The following UBE3D variants were observed in gnomAD, a reference collection of about 807,000 sequenced individuals.
UBE3D encodes the protein ubiquitin protein ligase E3D.
Under a neutral mutation model 49.6 loss-of-function variants are expected in UBE3D, and 48 were observed. The observed-to-expected ratio is 0.97, with a 90% confidence interval of 0.77 to 1.23. The LOEUF (loss-of-function observed/expected upper bound fraction) is 1.23. Ranked by LOEUF, UBE3D falls within the 50% of genes most tolerant of loss-of-function variation. UBE3D has a pLI of 0.00. For synonymous variants in UBE3D, 189 were observed against 174.2 expected, an observed-to-expected ratio of 1.08 and a Z score of -0.67; for missense variants, 452 against 468.4, an observed-to-expected ratio of 0.96 and a Z score of 0.32.
At chr6:82,925,888 G>A (rs367959763) in intron 9 of UBE3D, among the ~76,000 whole-genome samples, 175 of 152,122 alleles carry the variant, frequency 1.2e-3, no homozygotes, top group African/African-American at 4.0e-3. Flanking sequence ...ACTAAGTAAA[G>A]ACTAAATGCT....
intron 1 of UBE3D, among the ~76,000 whole-genome samples, chr6:83,064,111 T>C (rs1784347429): frequency 6.6e-6 from 1 of 152,200 alleles, no homozygotes; most frequent in Admixed American, 6.5e-5. Context: ...CTGAAAAATA[T>C]TATGGAAGGA....
chr6:83,022,821 CT>C (rs1351974206), intron 6 of UBE3D, among the ~76,000 whole-genome samples: 3 of 151,350 alleles, frequency 2.0e-5, no homozygotes, highest in Non-Finnish European at 4.4e-5. Flanking sequence ...CTATTCACCC[CT>C]ACTGAATAAA....
rs147576188 is a variant in UBE3D at position 82,906,268 on chromosome 6, T to C, written c.1150-13226A>G. On this transcript the variant is annotated intron_variant, in intron 9 of 9. Transcript: ENST00000369747. ...CCTTCCCTTTTTCTCCATTTGCAATTTGTGTTTCAAAGAAATCAGGCTTTT... is the reference window on the plus strand; with the variant it reads ...CCTTCCCTTTTTCTCCATTTGCAATCTGTGTTTCAAAGAAATCAGGCTTTT... Among the ~76,000 whole-genome samples, 243 of 151,480 alleles carry C rather than the reference T, an allele frequency of 1.6e-3. 1 individual carries two copies. Among genetic ancestry groups the C allele is most frequent in the African/African-American group, 5.5e-3 (229 of 41,530 alleles).
At chr6:82,886,919 T>C in the UBE3D span, among the ~76,000 whole-genome samples, 1 of 152,120 alleles carries the variant, frequency 6.6e-6, no homozygotes, top group South Asian at 2.1e-4. Context: ...ATTTCAAGAA[T>C]TTTTTTAACA....
chr6:82,983,224 T>G (rs2127721172), intron 8 of UBE3D, among the ~76,000 whole-genome samples: 1 of 152,100 alleles, frequency 6.6e-6, no homozygotes, highest in Middle Eastern at 3.4e-3. Flanking sequence ...TATGTTGTTT[T>G]GTCCTTATTG....
At chr6:82,953,148 C>T (rs183131737) in intron 9 of UBE3D, among the ~76,000 whole-genome samples, 14 of 152,310 alleles carry the variant, frequency 9.2e-5, no homozygotes, top group Admixed American at 2.6e-4. Context: ...AAACTAGCAA[C>T]GGCAATGACG....
chr6:83,022,236 A>C (rs1781151804), intron 7 of UBE3D, among the ~76,000 whole-genome samples: 1 of 152,196 alleles, frequency 6.6e-6, no homozygotes, highest in Admixed American at 6.5e-5. Context: ...CATGTTGGCC[A>C]GGCTGGTCTC....
At chr6:83,016,899 CT>C (rs926519282) in intron 8 of UBE3D, among the ~76,000 whole-genome samples, 3 of 152,112 alleles carry the variant, frequency 2.0e-5, no homozygotes, top group African/African-American at 7.2e-5. Context: ...CCAATCTAGT[CT>C]TTTCATGTTT....
chr6:83,036,019 T>TC (rs1376682430), intron 5 of UBE3D: 22 of 108,852 alleles, frequency 2.0e-4, no homozygotes, highest in Non-Finnish European at 2.8e-4. Context: ...TTTTTGTACT[T>TC]CTTTTTTTTT....
At chr6:83,004,194 G>A (rs769793009) in intron 8 of UBE3D, among the ~76,000 whole-genome samples, 2 of 152,124 alleles carry the variant, frequency 1.3e-5, no homozygotes, top group Non-Finnish European at 2.9e-5. Flanking sequence ...ACTGAATATA[G>A]TATAGCAAAC....
intron 8 of UBE3D, among the ~76,000 whole-genome samples, chr6:82,986,213 C>G (rs1279693159): frequency 6.6e-6 from 1 of 152,010 alleles, no homozygotes; most frequent in Non-Finnish European, 1.5e-5. Flanking sequence ...TGGCTCATGC[C>G]TGTAATCCCA....
chr6:82,952,432 A>ATT (rs200187722), intron 9 of UBE3D, among the ~76,000 whole-genome samples: 3 of 148,028 alleles, frequency 2.0e-5, no homozygotes, highest in African/African-American at 7.4e-5. Context: ...TTAATATCTA[A>ATT]TTTTTTTTTT....
At chr6:83,008,155 G>C (rs1244908942) in intron 8 of UBE3D, among the ~76,000 whole-genome samples, 1 of 152,044 alleles carries the variant, frequency 6.6e-6, no homozygotes, top group African/African-American at 2.4e-5. Context: ...TCTTTGTTGT[G>C]TACTGTAGGA....
chr6:82,935,059 C>G (rs1037930820), intron 9 of UBE3D, among the ~76,000 whole-genome samples: 4 of 149,020 alleles, frequency 2.7e-5, no homozygotes, highest in African/African-American at 9.9e-5. Context: ...ATATCTAAGA[C>G]TGGGTAATTT....
chr6:82,948,579 C>A (rs1384897484), intron 9 of UBE3D, among the ~76,000 whole-genome samples: 1 of 151,778 alleles, frequency 6.6e-6, no homozygotes, highest in Non-Finnish European at 1.5e-5. Flanking sequence ...AACTACAAGC[C>A]AATTATCTCT....
At position 83,054,211 on chromosome 6, in the gene UBE3D, G is replaced by A. The variant is rs754678466; in HGVS notation, c.302C>T (p.Ser101Leu). 30 of 1,613,716 alleles carry A rather than the reference G, an allele frequency of 1.9e-5. No individual in the cohort carries two copies. Among genetic ancestry groups the A allele is most frequent in the Admixed American group, 1.3e-4 (8 of 59,964 alleles). The change falls in exon 3 of 10, where the codon TCG becomes TTG. Residue 101 changes from serine to leucine, a missense_variant. By Grantham distance (145) the Ser-to-Leu change is moderately radical. Coordinates refer to ENST00000369747, the MANE Select transcript of UBE3D (RefSeq NM_198920.3). ...AAACGTGCAACATTCTTGGGTTTGC[G>A]AGCTTTGATTAAACATTGAAATCAG... ...TKLISMFNQS[S>L]QTQECCTFYC...
At chr6:83,011,640 C>T (rs1482313079) in intron 8 of UBE3D, among the ~76,000 whole-genome samples, 1 of 152,174 alleles carries the variant, frequency 6.6e-6, no homozygotes, top group Non-Finnish European at 1.5e-5. Context: ...CACTGTTACT[C>T]CCTTCTTAGC....
intron 3 of UBE3D, among the ~76,000 whole-genome samples, chr6:83,049,372 G>A (rs1269349946): frequency 6.6e-6 from 1 of 152,118 alleles, no homozygotes; most frequent in East Asian, 1.9e-4. Flanking sequence ...CTGACTGGCA[G>A]GCCACAAATC....
chr6:82,972,206 C>T lies in UBE3D; in HGVS notation c.1011-14756G>A, dbSNP rs1465402189. Among the ~76,000 whole-genome samples the T allele has an allele frequency of 2.0e-5, 3 of 152,192 alleles. No individual in the cohort carries two copies. The East Asian group carries it at 5.8e-4, about 29-fold the overall frequency. ...CTTGGCTTCCCTTTATACCTCTTCC[C>T]AAGTCTATCCTCAGATGCCCTTCCT... is the stretch of plus-strand genomic sequence containing the variant. On this transcript the variant is annotated intron_variant, in intron 8 of 9. Coordinates refer to ENST00000369747, the MANE Select transcript of UBE3D (RefSeq NM_198920.3).
Sources: allele counts gnomAD v4.1 joint callset (sites outside exome capture counted in the v4.1 genomes callset), GRCh38; gene constraint gnomAD v4.1.1; transcripts MANE v1.5; gene names NCBI Gene and HGNC (gene_info 2026-07-23, HGNC 2026-07-21).